The following DNAH2 variants were observed in gnomAD, a reference collection of about 807,000 sequenced individuals.
The protein encoded by DNAH2 is axonemal beta dynein heavy chain 2.
DNAH2 carries 323 observed loss-of-function variants against 523.5 expected under a neutral mutation model. The ratio of observed to expected loss-of-function variants is 0.62; its 90% CI spans 0.56 to 0.68. The LOEUF is 0.68. Among genes scored for constraint, DNAH2 ranks in the 30% least tolerant of loss-of-function variants. The pLI is 0.00. For synonymous variants in DNAH2, 2,093 were observed against 2,177.4 expected, an observed-to-expected ratio of 0.96 and a Z score of 1.08; for missense variants, 4,907 against 5,701.5, an observed-to-expected ratio of 0.86 and a Z score of 4.49.
At position 7,719,612 on chromosome 17, in the gene DNAH2, T is replaced by G. The variant is rs535556067; in HGVS notation, c.-14-109T>G. 78 of 1,356,102 alleles carry G rather than the reference T, an allele frequency of 5.8e-5. No homozygotes were observed. In the African/African-American group the frequency reaches 8.8e-4, roughly 15 times the overall value. The allele number at this position is 1,356,102 out of a possible 1,614,324, so 84.0% of individuals were successfully genotyped here. ...GTGTGGGTACCACCAGAAAAGATGA[T>G]CATATTGAGTTTCAGTCAATTTATG... On this transcript the variant is annotated intron_variant, in intron 1 of 85. Coordinates refer to ENST00000572933, the MANE Select transcript of DNAH2 (RefSeq NM_020877.5).
At chr17:7,723,750 C>T in intron 3 of DNAH2, 61 bp downstream of exon 3, 1 of 1,441,144 alleles carries the variant, frequency 6.9e-7, no homozygotes, top group Non-Finnish European at 9.8e-7. Flanking sequence ...ATCAAAGGAT[C>T]AGTTGTGGAT....
rs561909844 is a variant in DNAH2 at position 7,816,996 on chromosome 17, G to A, written c.9894+261G>A. ...AGCACACACAAGGACTCTTGATGTA[G>A]CCCAACAACCAGACAGAAAACAGAC... On this transcript the variant is annotated intron_variant, in intron 64 of 85. Transcript: ENST00000572933. 3.3e-5 allele frequency among the ~76,000 whole-genome samples: 5 copies of A among 152,302 alleles called. No individual in the cohort carries two copies. In the East Asian group the frequency reaches 9.6e-4, roughly 29 times the overall value.
intron 68 of DNAH2, 96 bp from the exon 69 acceptor site, chr17:7,818,216 G>A (rs1261768461): frequency 1.3e-6 from 2 of 1,595,810 alleles, no homozygotes; most frequent in Non-Finnish European, 1.7e-6. Context: ...GGGGCCTTAG[G>A]ACAGGCTGAG....
At chr17:7,763,633 A>T (rs1000572470) in intron 18 of DNAH2, among the ~76,000 whole-genome samples, 198 bp from the exon 19 acceptor site, 16 of 152,244 alleles carry the variant, frequency 1.1e-4, no homozygotes, top group African/African-American at 3.9e-4. Context: ...TCTTATAGCC[A>T]GTGACTGGGA....
At chr17:7,756,491 G>A (rs1053327566) in intron 12 of DNAH2, among the ~76,000 whole-genome samples, 12 of 151,640 alleles carry the variant, frequency 7.9e-5, no homozygotes, top group African/African-American at 2.2e-4. Context: ...GCCCAGGCTG[G>A]TCTCAAACTC....
At chr17:7,735,320 G>A (rs998487920) in intron 7 of DNAH2, among the ~76,000 whole-genome samples, 34 of 152,028 alleles carry the variant, frequency 2.2e-4, no homozygotes, top group East Asian at 3.9e-4. Context: ...TAGTAGAGAC[G>A]GGGTTTCACC....
intron 18 of DNAH2, among the ~76,000 whole-genome samples, chr17:7,762,107 T>C (rs562680195): frequency 2.0e-5 from 3 of 152,158 alleles, no homozygotes; most frequent in Admixed American, 6.5e-5. Context: ...AAACAGATAT[T>C]ACACTACCTA....
intron 1 of DNAH2, 72 bp from the exon 2 acceptor site, chr17:7,719,649 G>A: frequency 6.4e-7 from 1 of 1,564,292 alleles, no homozygotes; most frequent in Non-Finnish European, 8.8e-7. Flanking sequence ...ATTCAAAAGG[G>A]ACTGCTTGTA....
At chr17:7,787,693 G>A (rs1419364914) in intron 42 of DNAH2, 167 bp from the exon 43 acceptor site, 8 of 854,388 alleles carry the variant, frequency 9.4e-6, no homozygotes, top group East Asian at 3.0e-5. Flanking sequence ...CCAAGATCAC[G>A]CCACTGCACT....
At chr17:7,723,005 T>C (rs2074669352) in intron 2 of DNAH2, among the ~76,000 whole-genome samples, 1 of 146,096 alleles carries the variant, frequency 6.8e-6, no homozygotes, top group Non-Finnish European at 1.5e-5. Flanking sequence ...GTCTTCGCTC[T>C]GTTGCCCAGG....
At chr17:7,785,159 T>C (rs1317424115) in intron 39 of DNAH2, among the ~76,000 whole-genome samples, 3 of 150,274 alleles carry the variant, frequency 2.0e-5, no homozygotes, top group Non-Finnish European at 3.0e-5. Flanking sequence ...TGGAGTGCAG[T>C]GGTGAGATTT....
Position 7,779,266 on chromosome 17 carries a change from T to A in DNAH2, c.5565T>A (p.Asp1855Glu). The A allele has an allele frequency of 6.2e-7, 1 of 1,613,088 alleles. No individual in the cohort carries two copies. The highest frequency in any genetic ancestry group is 1.1e-5 in the South Asian group (1 of 91,050). Reference sequence around the variant, plus strand: ...AGACTGGAGCTTGGGGCTGCTTTGATGAGTTTAACCGCATCAACATCGAGG... The same window carrying A: ...AGACTGGAGCTTGGGGCTGCTTTGAAGAGTTTAACCGCATCAACATCGAGG... ...LAQTGAWGCF[D>E]EFNRINIEVL... The change falls in exon 36 of 86, where the codon GAT becomes GAA. Residue 1855 changes from aspartate to glutamate, a missense_variant. Coordinates refer to ENST00000572933, the MANE Select transcript of DNAH2 (RefSeq NM_020877.5).
chr17:7,794,219 C>T (rs752770663), intron 48 of DNAH2, 35 bp from the exon 49 acceptor site: 10 of 1,542,876 alleles, frequency 6.5e-6, no homozygotes, highest in Admixed American at 1.9e-5. Flanking sequence ...CCTCTCCCCT[C>T]CTGCCTGTCT....
Position 7,796,568 on chromosome 17 carries a change from G to A in DNAH2, c.7779G>A (p.Leu2593=), listed in dbSNP as rs139912012. The part of the protein sequence containing the change: ...PIGNVVTEAT[L]DMYNTVVQRF... ...GGAACGTGGTGACAGAGGCCACCCT[G>A]GACATGTACAACACCGTGGTACAGC... The change falls in exon 50 of 86, where the codon CTG becomes CTA. Residue 2593 remains leucine (L), a synonymous_variant. Transcript: ENST00000572933. 1.9e-6 allele frequency: 3 copies of A among 1,613,344 alleles called. No individual in the cohort carries two copies. Among genetic ancestry groups the A allele is most frequent in the Non-Finnish European group, 2.5e-6 (3 of 1,179,934 alleles).
At position 7,821,503 on chromosome 17, in the gene DNAH2, A is replaced by G; in HGVS notation, c.11142+134A>G. 7.8e-7 allele frequency: 1 copy of G among 1,289,584 alleles called. No individual in the cohort carries two copies. The highest frequency in any genetic ancestry group is 1.5e-5 in the African/African-American group (1 of 66,890). 79.9% of individuals were successfully genotyped at this position (1,289,584 alleles called of 1,614,324 possible). A position where few individuals can be genotyped will look rare whatever the true frequency, so the allele number is the denominator to read the frequency against. On this transcript the variant is annotated intron_variant, in intron 73 of 85. Coordinates refer to ENST00000572933, the MANE Select transcript of DNAH2 (RefSeq NM_020877.5). This position sits in a 1 kb window ranked among gnomAD's most constrained non-coding sequence, Gnocchi z 5.0. ...GTGAGCTGAGAAAATCCAGGCCAGC[A>G]TCAGGTGCATGGTGAGCTCCCTGGG...
rs1221205973 is a variant in DNAH2 at position 7,832,107 on chromosome 17, T to C, written c.12726+332T>C. Among the ~76,000 whole-genome samples the C allele has an allele frequency of 1.3e-5, 2 of 152,194 alleles. No homozygotes were observed. Among genetic ancestry groups the C allele is most frequent in the Admixed American group, 6.5e-5 (1 of 15,274 alleles). On this transcript the variant is annotated intron_variant, in intron 82 of 85. Transcript: ENST00000572933. This position sits in a 1 kb window ranked among gnomAD's most constrained non-coding sequence, Gnocchi z 4.3. ...ATTGTTATGAATGAATAGCTGTCGT[T>C]GTATGCCTCTTTCCTAGAAGTTGGC... is the stretch of plus-strand genomic sequence containing the variant.
rs184735225 is a variant in DNAH2 at position 7,752,477 on chromosome 17, G to A, written c.1905-4614G>A. On this transcript the variant is annotated intron_variant, in intron 12 of 85. Coordinates refer to ENST00000572933, the MANE Select transcript of DNAH2 (RefSeq NM_020877.5). Reference sequence around the variant, plus strand: ...TGTAATCCCAGCACTTTGGGAGGCCGAGGCGGGCGGATCACGAGGTCAGGA... The same window carrying A: ...TGTAATCCCAGCACTTTGGGAGGCCAAGGCGGGCGGATCACGAGGTCAGGA... 6.6e-4 allele frequency among the ~76,000 whole-genome samples: 100 copies of A among 152,228 alleles called. 1 individual carries two copies. Among genetic ancestry groups the A allele is most frequent in the African/African-American group, 2.2e-3 (91 of 41,544 alleles).
At position 7,776,435 on chromosome 17, in the gene DNAH2, C is replaced by T. The variant is rs544604897; in HGVS notation, c.4947+286C>T. ...GAGCCGAGATTGTGCCGCTGCACTC[C>T]AGCCTGGGTGACAAAGCAAGACTCT... On this transcript the variant is annotated intron_variant, in intron 31 of 85. Transcript: ENST00000572933. Among the ~76,000 whole-genome samples, 5 of 152,126 alleles carry T rather than the reference C, an allele frequency of 3.3e-5. No homozygotes were observed. The South Asian group carries it at 1.0e-3, about 32-fold the overall frequency.
In DNAH2 at chr17:7,818,984, C is replaced by G. The variant is rs757804314; in HGVS notation, c.10736C>G (p.Ser3579Cys). 4.6e-5 allele frequency: 74 copies of G among 1,611,698 alleles called. 2 individuals are homozygous for G. In the South Asian group the frequency reaches 8.1e-4, roughly 18 times the overall value. The change falls in exon 71 of 86, where the codon TCC becomes TGC. Residue 3579 changes from serine (S) to cysteine (C), a missense_variant. Ser to Cys is a moderately radical substitution (Grantham distance 112). Coordinates refer to ENST00000572933, the MANE Select transcript of DNAH2 (RefSeq NM_020877.5). ...DVQLVNTLHT[S>C]KITATEVTEQ... Reference sequence around the variant, plus strand: ...CAGCTGGTGAACACGCTGCATACCTCCAAGATCACAGCCACAGAGGTGACT... The same window carrying G: ...CAGCTGGTGAACACGCTGCATACCTGCAAGATCACAGCCACAGAGGTGACT...
Sources: allele counts gnomAD v4.1 joint callset (sites outside exome capture counted in the v4.1 genomes callset), GRCh38; gene constraint gnomAD v4.1.1; non-coding constraint Gnocchi (gnomAD v3.1); transcripts MANE v1.5; gene names NCBI Gene and HGNC (gene_info 2026-07-23, HGNC 2026-07-21).